DNER: variants seen among roughly 807,000 people sequenced by gnomAD.
DNER encodes delta and Notch-like epidermal growth factor-related receptor.
In DNER, 33 loss-of-function variants were observed where a neutral mutation model predicts 78.2. The ratio of observed to expected loss-of-function variants is 0.42; its 90% confidence interval spans 0.32 to 0.56. The LOEUF (loss-of-function observed/expected upper bound fraction) is 0.56, where lower values mean the gene tolerates loss of function less well. Ranked by LOEUF, DNER falls within the 20% of genes least tolerant of loss-of-function variation. DNER has a pLI of 0.11. For missense variants in DNER, 918 were observed against 975.3 expected (o/e 0.94, Z 0.78); for synonymous variants, 417 against 384.8 (o/e 1.08, Z -0.98).
chr2:229,660,603 TG>T (rs1387781095), intron 1 of DNER, among the ~76,000 whole-genome samples: 1 of 152,182 alleles, frequency 6.6e-6, no homozygotes, highest in Non-Finnish European at 1.5e-5. Context: ...ATTATAGATG[TG>T]GTTGGGCAGA....
intron 10 of DNER, among the ~76,000 whole-genome samples, chr2:229,400,767 C>T (rs1693249889): frequency 6.6e-6 from 1 of 152,012 alleles, no homozygotes; most frequent in Non-Finnish European, 1.5e-5. Context: ...CATGTAGCTA[C>T]TTTACCCTTA....
intron 7 of DNER, among the ~76,000 whole-genome samples, chr2:229,465,105 A>T (rs1694777620): frequency 6.6e-6 from 1 of 152,212 alleles, no homozygotes; most frequent in Non-Finnish European, 1.5e-5. Flanking sequence ...AATAGAAATC[A>T]TTCTATTATA....
chr2:229,522,349 G>A (rs950254966), intron 5 of DNER, among the ~76,000 whole-genome samples: 3 of 152,200 alleles, frequency 2.0e-5, no homozygotes, highest in Non-Finnish European at 4.4e-5. Flanking sequence ...CTCTTGGAGT[G>A]GTTATAATTA....
At chr2:229,389,764 C>T (rs1395571017) in intron 10 of DNER, among the ~76,000 whole-genome samples, 1 of 152,196 alleles carries the variant, frequency 6.6e-6, no homozygotes, top group Admixed American at 6.5e-5. Flanking sequence ...TCATCTCACA[C>T]TGTTTCTATA....
At chr2:229,545,254 A>T (rs1432128383) in intron 5 of DNER, among the ~76,000 whole-genome samples, 1 of 152,106 alleles carries the variant, frequency 6.6e-6, no homozygotes, top group Admixed American at 6.5e-5. Flanking sequence ...CTTCAGGTGG[A>T]CCCTGGATCC....
chr2:229,649,146 G>A (rs1007131970), intron 1 of DNER, among the ~76,000 whole-genome samples: 5 of 152,126 alleles, frequency 3.3e-5, no homozygotes, highest in African/African-American at 9.7e-5. Flanking sequence ...AAAAGGCCTT[G>A]GCGAGTACTC....
At chr2:229,596,629 A>G (rs1023553644) in intron 1 of DNER, among the ~76,000 whole-genome samples, 3 of 152,240 alleles carry the variant, frequency 2.0e-5, no homozygotes, top group East Asian at 1.9e-4. Context: ...TCCCATGGCA[A>G]TGTTCAATTT....
intron 1 of DNER, among the ~76,000 whole-genome samples, chr2:229,658,259 C>A (rs1698945608): frequency 1.3e-5 from 2 of 152,204 alleles, no homozygotes; most frequent in Admixed American, 1.3e-4. Context: ...TTTATTCAAG[C>A]ATCTTCTGAA....
At chr2:229,655,006 C>G (rs551018964) in intron 1 of DNER, among the ~76,000 whole-genome samples, 4 of 152,038 alleles carry the variant, frequency 2.6e-5, no homozygotes, top group South Asian at 2.1e-4. Flanking sequence ...AAACATCTTT[C>G]AGATGTTTTA....
At chr2:229,500,880 C>T (rs1240408246) in intron 6 of DNER, among the ~76,000 whole-genome samples, 3 of 152,112 alleles carry the variant, frequency 2.0e-5, no homozygotes, top group Admixed American at 1.3e-4. Flanking sequence ...CCCCAAAGTC[C>T]ATTGTATCAT....
intron 6 of DNER, among the ~76,000 whole-genome samples, chr2:229,482,894 C>T (rs907702651): frequency 6.6e-6 from 1 of 152,010 alleles, no homozygotes; most frequent in South Asian, 2.1e-4. Context: ...TCTCTAGAAC[C>T]AGGTAGGGAG....
intron 7 of DNER, among the ~76,000 whole-genome samples, chr2:229,465,455 AAAC>A (rs1694783590): frequency 2.6e-5 from 4 of 152,152 alleles, no homozygotes; most frequent in Non-Finnish European, 5.9e-5. Flanking sequence ...GCATCAGGAT[AAAC>A]AGCTAATGCA....
chr2:229,711,083 A>G (rs891569819), intron 1 of DNER, among the ~76,000 whole-genome samples: 5 of 151,544 alleles, frequency 3.3e-5, no homozygotes, highest in Non-Finnish European at 7.4e-5. Flanking sequence ...GCAGCTCCCA[A>G]ATGGGTTTAA....
chr2:229,368,565 C>A (rs945858587), intron 11 of DNER, among the ~76,000 whole-genome samples: 1 of 152,142 alleles, frequency 6.6e-6, no homozygotes, highest in Non-Finnish European at 1.5e-5. Context: ...TTGGACAGTA[C>A]AATAATTTCA....
At chr2:229,499,915 T>G (rs1193374588) in intron 6 of DNER, among the ~76,000 whole-genome samples, 6 of 143,410 alleles carry the variant, frequency 4.2e-5, no homozygotes, top group Admixed American at 2.9e-4. Context: ...GCAAAAAATC[T>G]GAATAGACTT....
At chr2:229,545,983 T>C (rs77974876) in intron 5 of DNER, among the ~76,000 whole-genome samples, 2,905 of 152,340 alleles carry the variant, frequency 0.019, 82 homozygotes, top group African/African-American at 0.058. Context: ...ACCTTTTGTT[T>C]CTTCCATTTC....
chr2:229,594,100 C>T (rs556719446), intron 1 of DNER, among the ~76,000 whole-genome samples: 29 of 152,342 alleles, frequency 1.9e-4, no homozygotes, highest in African/African-American at 7.0e-4. Context: ...GCACTGAGCA[C>T]AGCAGAAGTC....
intron 7 of DNER, among the ~76,000 whole-genome samples, chr2:229,450,043 G>A (rs1022480532): frequency 1.3e-5 from 2 of 152,218 alleles, no homozygotes; most frequent in Admixed American, 6.5e-5. Flanking sequence ...GCCTCCCAAA[G>A]TGCTGGGATT....
chr2:229,481,774 C>T (rs1695163226), intron 6 of DNER, among the ~76,000 whole-genome samples: 1 of 152,314 alleles, frequency 6.6e-6, no homozygotes, highest in East Asian at 1.9e-4. Flanking sequence ...AAAGCAATGA[C>T]AGACACCCAG....
Sources: gnomAD v4.1 joint callset for allele counts (sites outside exome capture counted in the v4.1 genomes callset) on GRCh38, gnomAD v4.1.1 for gene constraint, MANE v1.5 for transcripts, NCBI Gene and HGNC (gene_info 2026-07-23, HGNC 2026-07-21) for gene names.